The following MAP3K15 variants were observed in gnomAD, a reference collection of about 807,000 sequenced individuals.
MAP3K15 encodes the protein mitogen-activated protein kinase kinase kinase 15.
A neutral mutation model predicts 99.5 loss-of-function variants in MAP3K15; 124 were observed. That is an observed-to-expected ratio of 1.25 (90% CI 1.08 to 1.45). MAP3K15 has a LOEUF of 1.45. Ranked by LOEUF, MAP3K15 falls within the 40% of genes most tolerant of loss-of-function variation. MAP3K15 has a pLI of 0.00. For missense variants in MAP3K15, 1,242 were observed against 1,079.7 expected, an observed-to-expected ratio of 1.15 and a Z score of -2.11; for synonymous variants, 494 against 439.6, an observed-to-expected ratio of 1.12 and a Z score of -1.55.
At chrX:19,443,012 C>CTGCGCCCAACCCCATT (rs2063970538) in intron 6 of MAP3K15, among the ~76,000 whole-genome samples, 4 of 80,433 alleles carry the variant, frequency 5.0e-5, no homozygotes, top group African/African-American at 9.0e-5. Flanking sequence ...GCATGAGCCA[C>CTGCGCCCAACCCCATT]CATGCCCGGC....
At chrX:19,368,918 G>T in intron 25 of MAP3K15, 136 bp downstream of exon 25, 1 of 587,748 alleles carries the variant, frequency 1.7e-6, no homozygotes, top group Non-Finnish European at 2.4e-6. Context: ...CCCTTGCCTA[G>T]TTCGTGGATG....
At chrX:19,480,091 T>C (rs759951918) in intron 3 of MAP3K15, among the ~76,000 whole-genome samples, 28 of 112,011 alleles carry the variant, frequency 2.5e-4, no homozygotes, top group Admixed American at 1.9e-4. Context: ...GTGAAAGACC[T>C]GTACATGGAA....
At chrX:19,426,915 A>G (rs948765632) in intron 7 of MAP3K15, among the ~76,000 whole-genome samples, 5 of 109,458 alleles carry the variant, frequency 4.6e-5, no homozygotes, top group Admixed American at 9.8e-5. Flanking sequence ...TTTTATTATA[A>G]AAGCCTCAGG....
At chrX:19,439,356 G>C (rs1311205702) in intron 6 of MAP3K15, among the ~76,000 whole-genome samples, 1 of 111,957 alleles carries the variant, frequency 8.9e-6, no homozygotes, top group East Asian at 2.8e-4. Flanking sequence ...ATAGCAATAT[G>C]AGAACGGCCT....
At chrX:19,431,340 G>A in intron 7 of MAP3K15, 98 bp downstream of exon 7, 1 of 805,362 alleles carries the variant, frequency 1.2e-6, no homozygotes, top group Non-Finnish European at 1.7e-6. Context: ...CCTGCCAACA[G>A]ACAGACATAT....
chrX:19,427,654 T>C (rs1005768989), intron 7 of MAP3K15, among the ~76,000 whole-genome samples: 5 of 111,346 alleles, frequency 4.5e-5, no homozygotes, highest in Non-Finnish European at 9.4e-5. Context: ...AGTATGAAAA[T>C]TATAGGCAGG....
At chrX:19,415,376 G>A (rs1219382273) in intron 9 of MAP3K15, 119 bp from the exon 10 acceptor site, 3 of 671,211 alleles carry the variant, frequency 4.5e-6, no homozygotes, top group Non-Finnish European at 6.2e-6. Flanking sequence ...TATGTCATGA[G>A]TGCTTCATAA....
At chrX:19,435,855 A>G (rs747803202) in intron 6 of MAP3K15, among the ~76,000 whole-genome samples, 1 of 112,588 alleles carries the variant, frequency 8.9e-6, no homozygotes. Flanking sequence ...TTGGCTGCAT[A>G]TTAGAATCAC....
At chrX:19,472,323 C>T (rs1247752344) in intron 3 of MAP3K15, among the ~76,000 whole-genome samples, 1 of 110,055 alleles carries the variant, frequency 9.1e-6, no homozygotes, top group African/African-American at 3.3e-5. Context: ...TTTGAATTCA[C>T]GTGATAAAAA....
intron 25 of MAP3K15, among the ~76,000 whole-genome samples, chrX:19,363,286 A>G (rs372021292): frequency 8.9e-6 from 1 of 112,102 alleles, no homozygotes; most frequent in East Asian, 2.8e-4. Context: ...ACACACCGCG[A>G]GAAGATGGCC....
intron 25 of MAP3K15, among the ~76,000 whole-genome samples, chrX:19,368,821 A>T (rs1263143886): frequency 9.4e-6 from 1 of 106,826 alleles, no homozygotes; most frequent in Non-Finnish European, 1.9e-5. Context: ...AAGGTACTAT[A>T]TATACCTCTC....
At position 19,415,188 on chromosome X, in the gene MAP3K15, C is replaced by A. The variant is rs56125741; in HGVS notation, c.1509G>T (p.Ser503=). 8.5e-7 allele frequency: 1 copy of A among 1,178,711 alleles called. No homozygotes were observed. The highest frequency in any genetic ancestry group is 1.9e-5 in the South Asian group (1 of 53,641). The part of the protein sequence containing the change: ...RRFKKTIIEH[S]PRQERLNFWL... ...AGAAGTTCAGCCGCTCTTGCCTGGG[C>A]GAGTGTTCAATAATGGTTTTCTTGA... Residue 503 remains serine (S), a synonymous_variant, in exon 10 of 29, where the codon TCG becomes TCT. Transcript: ENST00000338883.
chrX:19,426,241 T>C lies in MAP3K15; in HGVS notation c.1269A>G (p.Leu423=). ...AGQQFETSLE[L]RKIGVRLNSL... is the part of the protein sequence containing the mutation. ...AATAAGCAGCTTTACCTATTTTCCTTAGTTCCAAGGAAGTTTCAAATTGTT... is the reference window on the plus strand; with the variant it reads ...AATAAGCAGCTTTACCTATTTTCCTCAGTTCCAAGGAAGTTTCAAATTGTT... The change falls in exon 8 of 29, where the codon CTA becomes CTG. Residue 423 remains leucine, a synonymous_variant. Transcript: ENST00000338883. 1 of 1,115,208 alleles carries C rather than the reference T, an allele frequency of 9.0e-7. No homozygotes were observed. The highest frequency in any genetic ancestry group is 1.2e-6 in the Non-Finnish European group (1 of 838,998). 91.9% of individuals were successfully genotyped at this position (1,115,208 alleles called of 1,213,427 possible).
intron 2 of MAP3K15, among the ~76,000 whole-genome samples, chrX:19,488,078 A>C (rs928859698): frequency 2.7e-5 from 3 of 111,776 alleles, no homozygotes; most frequent in African/African-American, 9.8e-5. Flanking sequence ...GCACTGCTAT[A>C]AACAAACTAA....
chrX:19,458,004 A>G (rs1311038624), intron 5 of MAP3K15, among the ~76,000 whole-genome samples: 1 of 112,121 alleles, frequency 8.9e-6, no homozygotes, highest in Non-Finnish European at 1.9e-5. Context: ...AAAAATTGCG[A>G]CCATGCTTGT....
At position 19,448,828 on chromosome X, in the gene MAP3K15, T is replaced by A. The variant is rs1443643221; in HGVS notation, c.995+8085A>T. Among the ~76,000 whole-genome samples, 4 of 109,556 alleles carry A rather than the reference T, an allele frequency of 3.7e-5. 1 individual carries two copies. Among genetic ancestry groups the A allele is most frequent in the Non-Finnish European group, 7.7e-5 (4 of 51,761 alleles). ...TCTCTGGTGGGAAATAGAAGGGCAA[T>A]TAACATTCATCCAACATTATCTAGG... On this transcript the variant is annotated intron_variant, in intron 6 of 28. Transcript: ENST00000338883.
intron 2 of MAP3K15, among the ~76,000 whole-genome samples, chrX:19,487,646 G>A (rs1451061471): frequency 1.8e-5 from 2 of 111,818 alleles, no homozygotes; most frequent in Non-Finnish European, 3.8e-5. Context: ...CATAATTACT[G>A]AGTACATATC....
chrX:19,515,303 G>T lies in MAP3K15; in HGVS notation c.-42C>A. On this transcript the variant is annotated 5_prime_UTR_variant, in exon 1 of 29. Coordinates refer to ENST00000338883, the MANE Select transcript of MAP3K15 (RefSeq NM_001001671.4). ...CCTTCCCCTGGGCGAGTGGCCAGCGGCTGCGATCCGCTAGGAGGCACAAGT... is the reference window on the plus strand; with the variant it reads ...CCTTCCCCTGGGCGAGTGGCCAGCGTCTGCGATCCGCTAGGAGGCACAAGT... 1 of 818,014 alleles carries T rather than the reference G, an allele frequency of 1.2e-6. No individual in the cohort carries two copies. Among genetic ancestry groups the T allele is most frequent in the Non-Finnish European group, 1.5e-6 (1 of 670,668 alleles). The allele number at this position is 818,014 out of a possible 1,213,427, so 67.4% of individuals were successfully genotyped here. A position where few individuals can be genotyped will look rare whatever the true frequency, so the allele number is the denominator to read the frequency against.
At chrX:19,467,626 G>C (rs1214814817) in intron 3 of MAP3K15, among the ~76,000 whole-genome samples, 1 of 108,115 alleles carries the variant, frequency 9.2e-6, no homozygotes, top group Non-Finnish European at 1.9e-5. Context: ...AATTAGCCAG[G>C]TGTGGTGGCA....
Sources: allele counts gnomAD v4.1 joint callset (sites outside exome capture counted in the v4.1 genomes callset), GRCh38; gene constraint gnomAD v4.1.1; transcripts MANE v1.5; gene names NCBI Gene and HGNC (gene_info 2026-07-23, HGNC 2026-07-21).